The following DNAAF9 variants were observed in gnomAD, a reference collection of about 807,000 sequenced individuals.
The protein encoded by DNAAF9 is dynein axonemal assembly factor 9.
Under a neutral mutation model 167.0 loss-of-function variants are expected in DNAAF9, and 90 were observed. The observed-to-expected ratio is 0.54, with a 90% CI of 0.45 to 0.64. DNAAF9 has a LOEUF of 0.64. DNAAF9 is among the 30% of genes least tolerant of loss of function. The pLI is 0.00. For missense variants in DNAAF9, 1,315 were observed against 1,442.2 expected, an observed-to-expected ratio of 0.91 and a Z score of 1.43; for synonymous variants, 491 against 508.8, an observed-to-expected ratio of 0.96 and a Z score of 0.47.
chr20:3,337,601 C>T (rs1055598695), intron 10 of DNAAF9, among the ~76,000 whole-genome samples: 1 of 151,926 alleles, frequency 6.6e-6, no homozygotes, highest in Non-Finnish European at 1.5e-5. Context: ...GCACTGATGA[C>T]TGTCTTTTCT....
chr20:3,310,329 AAGAAAAAG>A (rs1373441730), intron 20 of DNAAF9, among the ~76,000 whole-genome samples: 4 of 95,042 alleles, frequency 4.2e-5, no homozygotes, highest in African/African-American at 1.3e-4. Context: ...AGGAAAGAGA[AAGAAAAAG>A]AAAGAAAGAA....
At position 3,270,372 on chromosome 20, in the gene DNAAF9, C is replaced by T. The variant is rs142297208; in HGVS notation, c.2786+55G>A. 5.8e-5 allele frequency: 88 copies of T among 1,522,650 alleles called. 1 individual carries two copies. The Admixed American group carries it at 1.4e-3, about 25-fold the overall frequency. The allele number at this position is 1,522,650 out of a possible 1,614,324, so 94.3% of individuals were successfully genotyped here. On this transcript the variant is annotated intron_variant, in intron 30 of 36. Coordinates refer to ENST00000252032, the MANE Select transcript of DNAAF9 (RefSeq NM_001009984.3). ...GTAGAAAGACTCTGTGGGCCACAGA[C>T]AGAGTGCTGTATCTGAGAAAGCAAC...
chr20:3,404,138 T>G (rs2084024605), intron 1 of DNAAF9, among the ~76,000 whole-genome samples: 1 of 152,214 alleles, frequency 6.6e-6, no homozygotes, highest in Non-Finnish European at 1.5e-5. Context: ...CAGGTGATTC[T>G]CCTGCCTCAG....
In DNAAF9 at chr20:3,267,024, A is replaced by C. The variant is rs549269623; in HGVS notation, c.2787-2500T>G. On this transcript the variant is annotated intron_variant, in intron 30 of 36. Coordinates refer to ENST00000252032, the MANE Select transcript of DNAAF9 (RefSeq NM_001009984.3). ...TGCACTACCATGCCCGGCTAATTTT[A>C]TATTTTTAATAGAGATGGGGTTTTG... is the stretch of plus-strand genomic sequence containing the variant. Among the ~76,000 whole-genome samples the C allele has an allele frequency of 5.9e-5, 9 of 151,372 alleles. No homozygotes were observed. In the South Asian group the frequency reaches 1.9e-3, roughly 32 times the overall value.
intron 1 of DNAAF9, among the ~76,000 whole-genome samples, chr20:3,404,460 T>C (rs1197111326): frequency 6.6e-6 from 1 of 152,246 alleles, no homozygotes; most frequent in Non-Finnish European, 1.5e-5. Context: ...ACTGCTACAC[T>C]GCCTTTTCTT....
intron 26 of DNAAF9, among the ~76,000 whole-genome samples, chr20:3,288,463 A>G (rs1186897735): frequency 6.6e-6 from 1 of 152,218 alleles, no homozygotes; most frequent in Non-Finnish European, 1.5e-5. Context: ...AAATAAAAAT[A>G]AATGGGCAGG....
At chr20:3,281,311 G>A (rs2068760608) in intron 28 of DNAAF9, among the ~76,000 whole-genome samples, 1 of 151,014 alleles carries the variant, frequency 6.6e-6, no homozygotes, top group African/African-American at 2.5e-5. Context: ...TTACAGGCAT[G>A]AGCCACCGCA....
At chr20:3,319,060 G>A (rs1344623268) in intron 16 of DNAAF9, among the ~76,000 whole-genome samples, 4 of 135,380 alleles carry the variant, frequency 3.0e-5, no homozygotes, top group Non-Finnish European at 6.1e-5. Flanking sequence ...TCCAGCCTGG[G>A]CAACAGAGCA....
In DNAAF9 at chr20:3,394,942, C is replaced by CTTTTTTTTTTT. The variant is rs1258382355; in HGVS notation, c.84-12437_84-12436insAAAAAAAAAAA. Among the ~76,000 whole-genome samples, 48 of 89,000 alleles carry CTTTTTTTTTTT rather than the reference C, an allele frequency of 5.4e-4. 7 individuals are homozygous for CTTTTTTTTTTT. Among genetic ancestry groups the CTTTTTTTTTTT allele is most frequent in the East Asian group, 8.2e-4 (2 of 2,446 alleles). 58.4% of individuals were successfully genotyped at this position (89,000 alleles called of 152,430 possible). A position where few individuals can be genotyped will look rare whatever the true frequency, so the allele number is the denominator to read the frequency against. ...TTCCATGGCTTTTACTGAACATTTTCTTTTTTCTTTTTTTTTTTTTTTTTT... is the reference window on the plus strand; with the variant it reads ...TTCCATGGCTTTTACTGAACATTTTCTTTTTTTTTTTTTTTTTCTTTTTTTTTTTTTTTTTT... On this transcript the variant is annotated intron_variant, in intron 1 of 36. Coordinates refer to ENST00000252032, the MANE Select transcript of DNAAF9 (RefSeq NM_001009984.3).
chr20:3,290,200 T>G lies in DNAAF9; in HGVS notation c.2256A>C (p.Val752=). ...TAGCGTGACAGCCTGGGAGGCCGGT[T>G]ACAATGCTGATAATTACCTACATGA... ...IESDKVIISI[V]TGLPGCHASE... Residue 752 remains valine (V), a synonymous_variant, in exon 26 of 37, where the codon GTA becomes GTC. Coordinates refer to ENST00000252032, the MANE Select transcript of DNAAF9 (RefSeq NM_001009984.3). 1 of 1,609,990 alleles carries G rather than the reference T, an allele frequency of 6.2e-7. No individual in the cohort carries two copies. The highest frequency in any genetic ancestry group is 8.5e-7 in the Non-Finnish European group (1 of 1,176,160).
In DNAAF9 at chr20:3,336,053, G is replaced by A. The variant is rs1447319199; in HGVS notation, c.982-3692C>T. ...CATGAGAATTGCTTGAACCCAGGAGGCGGAGATTGCAGTGATTCAAGATTG... is the reference window on the plus strand; with the variant it reads ...CATGAGAATTGCTTGAACCCAGGAGACGGAGATTGCAGTGATTCAAGATTG... On this transcript the variant is annotated intron_variant, in intron 10 of 36. Transcript: ENST00000252032. Among the ~76,000 whole-genome samples the A allele has an allele frequency of 2.0e-5, 3 of 152,214 alleles. No homozygotes were observed. In the East Asian group the frequency reaches 5.8e-4, roughly 29 times the overall value.
intron 20 of DNAAF9, among the ~76,000 whole-genome samples, chr20:3,306,549 A>G (rs765845237): frequency 3.9e-5 from 6 of 152,236 alleles, no homozygotes; most frequent in Non-Finnish European, 7.3e-5. Context: ...TCAAGCTTAG[A>G]GAGATTTCCC....
intron 3 of DNAAF9, among the ~76,000 whole-genome samples, chr20:3,379,534 G>A (rs1428219022): frequency 1.3e-5 from 2 of 152,060 alleles, no homozygotes; most frequent in Admixed American, 1.3e-4. Flanking sequence ...GCTGCAGTGA[G>A]CCAATATCAC....
intron 1 of DNAAF9, among the ~76,000 whole-genome samples, chr20:3,405,965 A>G (rs1013577793): frequency 4.6e-5 from 7 of 152,232 alleles, no homozygotes; most frequent in Admixed American, 2.0e-4. Context: ...ATGCGTTACT[A>G]TAAGCAGTTA....
At chr20:3,294,426 T>C (rs1767514361) in intron 24 of DNAAF9, 102 bp downstream of exon 24, 1 of 852,712 alleles carries the variant, frequency 1.2e-6, no homozygotes, top group South Asian at 1.5e-5. Flanking sequence ...CAGTGATCTC[T>C]AAGAAACTAC....
At chr20:3,385,453 T>G (rs1031802993) in intron 1 of DNAAF9, among the ~76,000 whole-genome samples, 6 of 152,172 alleles carry the variant, frequency 3.9e-5, no homozygotes, top group African/African-American at 1.4e-4. Context: ...GGTCTTGCTC[T>G]GATGTCCAGG....
At chr20:3,317,606 C>A (rs1231532470) in intron 17 of DNAAF9, among the ~76,000 whole-genome samples, 2 of 151,316 alleles carry the variant, frequency 1.3e-5, no homozygotes, top group African/African-American at 2.4e-5. Context: ...TTTCAAATTG[C>A]TTTTTTTTGA....
intron 1 of DNAAF9, among the ~76,000 whole-genome samples, chr20:3,399,167 G>A (rs2083949564): frequency 6.6e-6 from 1 of 151,644 alleles, no homozygotes; most frequent in Non-Finnish European, 1.5e-5. Context: ...CTACCTCCCT[G>A]GTAAAAATAA....
At chr20:3,355,019 T>C (rs1021047803) in intron 7 of DNAAF9, among the ~76,000 whole-genome samples, 4 of 152,172 alleles carry the variant, frequency 2.6e-5, no homozygotes, top group Admixed American at 1.3e-4. Flanking sequence ...ACTAGCAATG[T>C]TCTTAAAACT....
Sources: gnomAD v4.1 joint callset for allele counts (sites outside exome capture counted in the v4.1 genomes callset) on GRCh38, gnomAD v4.1.1 for gene constraint, MANE v1.5 for transcripts, NCBI Gene and HGNC (gene_info 2026-07-23, HGNC 2026-07-21) for gene names.